UGT1A7: variants seen among roughly 807,000 people sequenced by gnomAD.
UGT1A7 encodes the protein UDP glucuronosyltransferase family 1 member A7.
A neutral mutation model predicts 45.6 loss-of-function variants in UGT1A7; 33 were observed. The observed-to-expected ratio is 0.72, with a 90% CI of 0.55 to 0.97. The LOEUF is 0.97. Among genes scored for constraint, UGT1A7 ranks in the 50% least tolerant of loss-of-function variants. The probability of loss-of-function intolerance (pLI) is 0.00; values close to 1 mark genes in which losing one functional copy is unlikely to be tolerated. For synonymous variants in UGT1A7, 274 were observed against 250.6 expected, an observed-to-expected ratio of 1.09 and a Z score of -0.88; for missense variants, 684 against 666.2, an observed-to-expected ratio of 1.03 and a Z score of -0.29.
intron 1 of UGT1A7, chr2:233,747,298 G>T: frequency 6.2e-7 from 1 of 1,602,264 alleles, no homozygotes; most frequent in Non-Finnish European, 8.5e-7. Flanking sequence ...GGCTGAGAGT[G>T]GGAAGGTGCT....
intron 1 of UGT1A7, chr2:233,690,982 A>G (rs1476120770): frequency 2.0e-6 from 2 of 996,858 alleles, no homozygotes; most frequent in Non-Finnish European, 2.4e-6. Context: ...CAGGACCCAC[A>G]TATGAGCAAC....
intron 1 of UGT1A7, among the ~76,000 whole-genome samples, chr2:233,765,411 G>A (rs1367476072): frequency 6.6e-6 from 1 of 152,138 alleles, no homozygotes; most frequent in East Asian, 1.9e-4. Flanking sequence ...ATACACCATG[G>A]AATACTATGC....
In UGT1A7 at chr2:233,693,527, C is replaced by G. The variant is rs775014681; in HGVS notation, c.855+10735C>G. 115 of 1,614,082 alleles carry G rather than the reference C, an allele frequency of 7.1e-5. No individual in the cohort carries two copies. Among genetic ancestry groups the G allele is most frequent in the Non-Finnish European group, 9.4e-5 (111 of 1,180,032 alleles). ...ATCTGTGTACCTCTTCAGGGGTTTT[C>G]CGTGTTCCCTGGAGCATACATTCAG... On this transcript the variant is annotated intron_variant, in intron 1 of 4. Coordinates refer to ENST00000373426, the MANE Select transcript of UGT1A7 (RefSeq NM_019077.3).
At chr2:233,755,114 G>A (rs761865052) in intron 1 of UGT1A7, 3 of 1,331,932 alleles carry the variant, frequency 2.3e-6, no homozygotes, top group South Asian at 2.3e-5. Context: ...ACACCTCGTA[G>A]GCCTCAGCCA....
At chr2:233,693,141 T>C in intron 1 of UGT1A7, 1 of 1,614,174 alleles carries the variant, frequency 6.2e-7, no homozygotes, top group Non-Finnish European at 8.5e-7. Context: ...AAGGATATAG[T>C]TGAGGTTCTC....
At chr2:233,694,740 G>A (rs565003926) in intron 1 of UGT1A7, among the ~76,000 whole-genome samples, 1 of 152,202 alleles carries the variant, frequency 6.6e-6, no homozygotes, top group South Asian at 2.1e-4. Context: ...AATTTGAACA[G>A]TTGGCAGTAG....
At chr2:233,691,718 G>T in intron 1 of UGT1A7, 1 of 898,996 alleles carries the variant, frequency 1.1e-6, no homozygotes, top group South Asian at 5.1e-5. Context: ...CTGGCAGATG[G>T]GTGGCTGGGC....
At chr2:233,729,759 C>A in intron 1 of UGT1A7, 1 of 1,613,980 alleles carries the variant, frequency 6.2e-7, no homozygotes, top group Non-Finnish European at 8.5e-7. Context: ...TGCAAAGGGT[C>A]AAGAACATGC....
At position 233,763,257 on chromosome 2, in the gene UGT1A7, T is replaced by C. The variant is rs187516962; in HGVS notation, c.856-3777T>C. On this transcript the variant is annotated intron_variant, in intron 1 of 4. Transcript: ENST00000373426. ...AATTGTACCTTTTAGTAACCTGTTTTGTCTTGTTGCATGTTTTAATCTGAA... is the reference window on the plus strand; with the variant it reads ...AATTGTACCTTTTAGTAACCTGTTTCGTCTTGTTGCATGTTTTAATCTGAA... 1.1e-3 allele frequency among the ~76,000 whole-genome samples: 161 copies of C among 152,386 alleles called. 7 individuals carry two copies. The South Asian group carries it at 0.032, about 31-fold the overall frequency.
intron 1 of UGT1A7, among the ~76,000 whole-genome samples, chr2:233,700,095 G>A (rs2075543573): frequency 6.6e-6 from 1 of 152,208 alleles, no homozygotes; most frequent in Non-Finnish European, 1.5e-5. Flanking sequence ...GCCTGGAGGT[G>A]TGGAGGGCAG....
In UGT1A7 at chr2:233,760,344, G is replaced by A. The variant is rs897355036; in HGVS notation, c.856-6690G>A. The stretch of plus-strand genomic sequence containing the variant: ...TTGTCCTGGGCCTGCTGCTGTGTGT[G>A]CTGGGCCCAGTGGTGTCCCATGCTG... On this transcript the variant is annotated intron_variant, in intron 1 of 4. Transcript: ENST00000373426. 5.6e-6 allele frequency: 9 copies of A among 1,613,914 alleles called. No homozygotes were observed. The Admixed American group carries it at 1.3e-4, about 24-fold the overall frequency.
intron 1 of UGT1A7, among the ~76,000 whole-genome samples, chr2:233,742,294 T>C (rs1176827830): frequency 3.3e-5 from 5 of 152,006 alleles, no homozygotes; most frequent in African/African-American, 1.2e-4. Context: ...CTATAGATTA[T>C]AGATTAACTA....
chr2:233,754,448 T>G (rs1695488368), intron 1 of UGT1A7: 3 of 350,316 alleles, frequency 8.6e-6, no homozygotes, highest in Non-Finnish European at 1.7e-5. Flanking sequence ...TATAAATTCT[T>G]GGGTACAGCT....
chr2:233,762,242 T>C (rs1400660032), intron 1 of UGT1A7, among the ~76,000 whole-genome samples: 1 of 152,116 alleles, frequency 6.6e-6, no homozygotes, highest in Non-Finnish European at 1.5e-5. Flanking sequence ...AGGCACAGAA[T>C]AGGCACCCAC....
At chr2:233,729,778 C>T in intron 1 of UGT1A7, 1 of 1,614,010 alleles carries the variant, frequency 6.2e-7, no homozygotes, top group Non-Finnish European at 8.5e-7. Flanking sequence ...GCTCTACCCT[C>T]TGGCCCTGTC....
At chr2:233,690,671 C>T in intron 1 of UGT1A7, 2 of 1,267,248 alleles carry the variant, frequency 1.6e-6, no homozygotes, top group Non-Finnish European at 1.0e-6. Context: ...CCAGGGCAGG[C>T]CTGGGTCTCC....
intron 1 of UGT1A7, among the ~76,000 whole-genome samples, chr2:233,721,134 G>T (rs929528058): frequency 6.6e-6 from 1 of 152,014 alleles, no homozygotes; most frequent in East Asian, 1.9e-4. Context: ...ATTAGTGTAG[G>T]TATTATTGCA....
chr2:233,711,449 G>C (rs1157119191), intron 1 of UGT1A7, among the ~76,000 whole-genome samples: 1 of 152,222 alleles, frequency 6.6e-6, no homozygotes, highest in Admixed American at 6.5e-5. Flanking sequence ...TTTTAAGGGG[G>C]TTGGAGGAAT....
chr2:233,728,351 G>C (rs1396406554), intron 1 of UGT1A7, among the ~76,000 whole-genome samples: 1 of 152,180 alleles, frequency 6.6e-6, no homozygotes, highest in Non-Finnish European at 1.5e-5. Context: ...TGGTGAGCAG[G>C]AGCTCCCTGA....
Sources: gnomAD v4.1 joint callset for allele counts (sites outside exome capture counted in the v4.1 genomes callset) on GRCh38, gnomAD v4.1.1 for gene constraint, MANE v1.5 for transcripts, NCBI Gene and HGNC (gene_info 2026-07-23, HGNC 2026-07-21) for gene names.